The following ANO10 variants were observed in gnomAD, a reference collection of about 807,000 sequenced individuals.
ANO10 encodes anoctamin 10, also known as anoctamin-10.
ANO10 carries 77 observed loss-of-function variants against 74.7 expected under a neutral mutation model. That is an observed-to-expected ratio of 1.03 (90% CI 0.86 to 1.25). The LOEUF is 1.25. Ranked by LOEUF, ANO10 falls within the 50% of genes most tolerant of loss-of-function variation. The pLI, the probability that ANO10 is intolerant of heterozygous loss-of-function variation, is 0.00. For missense variants in ANO10, 721 were observed against 778.1 expected (o/e 0.93, Z 0.87); for synonymous variants, 279 against 284.9 (o/e 0.98, Z 0.21).
chr3:43,432,496 T>A, intron 12 of ANO10, 115 bp downstream of exon 12: 1 of 892,042 alleles, frequency 1.1e-6, no homozygotes, highest in Non-Finnish European at 1.9e-6. Flanking sequence ...GTCCTCTGTA[T>A]TCATTTAAAC....
intron 1 of ANO10, among the ~76,000 whole-genome samples, chr3:43,685,156 T>C (rs1421016194): frequency 6.6e-6 from 1 of 152,258 alleles, no homozygotes; most frequent in African/African-American, 2.4e-5. Context: ...TTTGTAGTAT[T>C]CGCCTTACTA....
At chr3:43,382,432 T>C (rs2091989758) in intron 12 of ANO10, among the ~76,000 whole-genome samples, 1 of 149,116 alleles carries the variant, frequency 6.7e-6, no homozygotes, top group Non-Finnish European at 1.5e-5. Context: ...GGCAGGAGAA[T>C]GGCGTGAACC....
chr3:43,477,931 G>A (rs924101229), intron 11 of ANO10, among the ~76,000 whole-genome samples: 1 of 152,212 alleles, frequency 6.6e-6, no homozygotes, highest in Non-Finnish European at 1.5e-5. Context: ...AGGGAGGAAT[G>A]TTGAGAAGTG....
At chr3:43,684,486 C>G (rs2084247157) in intron 1 of ANO10, among the ~76,000 whole-genome samples, 2 of 152,312 alleles carry the variant, frequency 1.3e-5, no homozygotes, top group Admixed American at 6.5e-5. Flanking sequence ...GTTGGTGGGA[C>G]TGTAAACTCG....
intron 11 of ANO10, among the ~76,000 whole-genome samples, chr3:43,511,052 C>T (rs145203604): frequency 1.3e-5 from 2 of 152,158 alleles, no homozygotes; most frequent in African/African-American, 4.8e-5. Flanking sequence ...TTAATGTGTC[C>T]AATTAGTGAA....
chr3:43,598,620 G>C lies in ANO10; in HGVS notation c.384C>G (p.Ile128Met). ...CTCTAAGATTTTCAAGTTCATGTTT[G>C]ATAATGAATTGACATTCTGCCATTG... ...FLTMAECQFI[I>M]KHELENLRAK... is the part of the protein sequence containing the mutation. Residue 128 changes from isoleucine (I) to methionine (M), a missense_variant, in exon 4 of 13, where the codon ATC (isoleucine) becomes ATG (methionine). By Grantham distance (10) the Ile-to-Met change is conservative. Coordinates refer to ENST00000292246, the MANE Select transcript of ANO10 (RefSeq NM_018075.5). 6.2e-7 allele frequency: 1 copy of C among 1,611,056 alleles called. No individual in the cohort carries two copies. The highest frequency in any genetic ancestry group is 1.1e-5 in the South Asian group (1 of 90,674).
chr3:43,680,532 C>T (rs2084181875), intron 1 of ANO10, among the ~76,000 whole-genome samples: 1 of 152,188 alleles, frequency 6.6e-6, no homozygotes, highest in South Asian at 2.1e-4. Flanking sequence ...AGGAGAACTT[C>T]CCCAGTCTAG....
chr3:43,437,505 T>C (rs1422701345), intron 11 of ANO10, among the ~76,000 whole-genome samples: 1 of 152,202 alleles, frequency 6.6e-6, no homozygotes, highest in Non-Finnish European at 1.5e-5. Flanking sequence ...GTTTCTGCCT[T>C]TTCTAAATTA....
chr3:43,367,141 G>A (rs1394910166), intron 12 of ANO10, among the ~76,000 whole-genome samples, 167 bp from the exon 13 acceptor site: 3 of 152,192 alleles, frequency 2.0e-5, no homozygotes, highest in African/African-American at 7.2e-5. Context: ...TGAGGAGATG[G>A]GAGACAGTTG....
intron 12 of ANO10, among the ~76,000 whole-genome samples, chr3:43,371,005 T>TCTCC (rs1457619987): frequency 6.6e-6 from 1 of 152,088 alleles, no homozygotes; most frequent in Admixed American, 6.6e-5. Flanking sequence ...AATGGCCCCT[T>TCTCC]CTCCCTCCCA....
intron 11 of ANO10, among the ~76,000 whole-genome samples, chr3:43,473,831 GT>G (rs555647876): frequency 7.8e-4 from 119 of 152,268 alleles, no homozygotes; most frequent in African/African-American, 2.8e-3. Flanking sequence ...ATTGGGTGGG[GT>G]TGTGGGGAAG....
intron 1 of ANO10, among the ~76,000 whole-genome samples, chr3:43,661,361 AT>A (rs1218742372): frequency 6.6e-6 from 1 of 152,224 alleles, no homozygotes; most frequent in African/African-American, 2.4e-5. Flanking sequence ...ATGCTGAAAG[AT>A]TTTGTCATCA....
intron 11 of ANO10, among the ~76,000 whole-genome samples, chr3:43,526,655 C>T (rs1051812484): frequency 1.3e-5 from 2 of 152,134 alleles, no homozygotes; most frequent in Non-Finnish European, 2.9e-5. Flanking sequence ...GTAAAACGTC[C>T]TATGTCTTAT....
intron 4 of ANO10, among the ~76,000 whole-genome samples, chr3:43,596,189 G>A (rs1432703478): frequency 2.6e-5 from 4 of 151,852 alleles, no homozygotes; most frequent in Admixed American, 6.6e-5. Context: ...CATACTGCCC[G>A]AGGTAATTTA....
At chr3:43,648,749 T>C (rs2083754010) in intron 1 of ANO10, among the ~76,000 whole-genome samples, 1 of 148,466 alleles carries the variant, frequency 6.7e-6, no homozygotes, top group Non-Finnish European at 1.5e-5. Context: ...TGATCTTGCC[T>C]CACTGCAAGC....
At chr3:43,690,957 T>C in intron 1 of ANO10, 1 of 1,554,486 alleles carries the variant, frequency 6.4e-7, no homozygotes, top group Non-Finnish European at 8.7e-7. Context: ...GTCAGCCGGC[T>C]TCGAGATAAG....
intron 4 of ANO10, among the ~76,000 whole-genome samples, chr3:43,591,162 C>T (rs2081730610): frequency 6.6e-6 from 1 of 152,138 alleles, no homozygotes; most frequent in Non-Finnish European, 1.5e-5. Context: ...CGTGTTTGCT[C>T]CGGCTCAAGC....
chr3:43,471,330 A>T lies in ANO10; in HGVS notation c.1798-38603T>A, dbSNP rs1467721721. Among the ~76,000 whole-genome samples, 8 of 152,234 alleles carry T rather than the reference A, an allele frequency of 5.3e-5. 2 individuals are homozygous for T. Among genetic ancestry groups the T allele is most frequent in the African/African-American group, 1.9e-4 (8 of 41,458 alleles). ...ACTTGCTTGCCATAAAATATCTCTTATTTAGGAAGAGACAAAGTTTTAAAA... is the reference window on the plus strand; with the variant it reads ...ACTTGCTTGCCATAAAATATCTCTTTTTTAGGAAGAGACAAAGTTTTAAAA... On this transcript the variant is annotated intron_variant, in intron 11 of 12. Transcript: ENST00000292246.
chr3:43,446,658 C>T (rs934368680), intron 11 of ANO10, among the ~76,000 whole-genome samples: 2 of 151,964 alleles, frequency 1.3e-5, no homozygotes, highest in Non-Finnish European at 1.5e-5. Flanking sequence ...CTAGGGAGAC[C>T]CTCTCAGTTA....
Sources: gnomAD v4.1 joint callset for allele counts (sites outside exome capture counted in the v4.1 genomes callset) on GRCh38, gnomAD v4.1.1 for gene constraint, MANE v1.5 for transcripts, NCBI Gene and HGNC (gene_info 2026-07-23, HGNC 2026-07-21) for gene names.